Variants in FBXL17 observed in about 807,000 individuals in gnomAD.
The protein encoded by FBXL17 is F-box and leucine rich repeat protein 17.
A neutral mutation model predicts 66.2 loss-of-function variants in FBXL17; 22 were observed. The observed-to-expected ratio is 0.33, with a 90% CI of 0.24 to 0.47. The LOEUF (loss-of-function observed/expected upper bound fraction) is 0.47, where lower values mean the gene tolerates loss of function less well. FBXL17 is among the 20% of genes least tolerant of loss of function. FBXL17 has a pLI of 1.00. For missense variants in FBXL17, 878 were observed against 948.2 expected (o/e 0.93, Z 0.97); for synonymous variants, 474 against 400.5 (o/e 1.18, Z -2.19).
intron 4 of FBXL17, among the ~76,000 whole-genome samples, chr5:108,278,849 T>C (rs1424282787): frequency 6.6e-6 from 1 of 152,188 alleles, no homozygotes; most frequent in Non-Finnish European, 1.5e-5. Flanking sequence ...CTGGGGGTCC[T>C]GAGTGCAAGC....
chr5:108,098,104 G>A (rs1580437081), intron 6 of FBXL17, among the ~76,000 whole-genome samples: 1 of 152,118 alleles, frequency 6.6e-6, no homozygotes, highest in African/African-American at 2.4e-5. Context: ...TCAGATGGAT[G>A]GAAACATAGT....
At chr5:108,160,903 T>C (rs1752186194) in intron 6 of FBXL17, among the ~76,000 whole-genome samples, 2 of 152,272 alleles carry the variant, frequency 1.3e-5, no homozygotes, top group South Asian at 2.1e-4. Context: ...AGAGGATTTA[T>C]GGCTGAGGCT....
At chr5:108,082,941 A>G (rs531188726) in intron 6 of FBXL17, among the ~76,000 whole-genome samples, 1 of 152,274 alleles carries the variant, frequency 6.6e-6, no homozygotes, top group South Asian at 2.1e-4. Context: ...ATTTAAAGAA[A>G]TGTACTTTTC....
chr5:108,019,664 C>T (rs1754512702), intron 7 of FBXL17, among the ~76,000 whole-genome samples: 1 of 151,380 alleles, frequency 6.6e-6, no homozygotes, highest in South Asian at 2.1e-4. Flanking sequence ...CACACACACA[C>T]ACTCTCTCTC....
chr5:108,075,080 G>A (rs943703550), intron 6 of FBXL17, among the ~76,000 whole-genome samples: 1 of 152,158 alleles, frequency 6.6e-6, no homozygotes, highest in South Asian at 2.1e-4. Flanking sequence ...AGATCTAGAC[G>A]GTCTGCCTTC....
intron 7 of FBXL17, among the ~76,000 whole-genome samples, chr5:107,955,498 C>T (rs931587574): frequency 3.3e-5 from 5 of 152,132 alleles, no homozygotes; most frequent in Admixed American, 6.6e-5. Context: ...TATTGCAGTG[C>T]GCTGTGACAA....
intron 7 of FBXL17, among the ~76,000 whole-genome samples, chr5:107,917,118 A>T (rs1750156347): frequency 6.6e-6 from 1 of 152,186 alleles, no homozygotes; most frequent in African/African-American, 2.4e-5. Flanking sequence ...ATATTAATAG[A>T]TTACTACCAC....
At chr5:108,132,802 C>G (rs1335273415) in intron 6 of FBXL17, among the ~76,000 whole-genome samples, 1 of 152,160 alleles carries the variant, frequency 6.6e-6, no homozygotes. Flanking sequence ...GTGAAAACAT[C>G]ACTATGACCA....
At chr5:108,138,254 T>C (rs888005229) in intron 6 of FBXL17, among the ~76,000 whole-genome samples, 5 of 152,198 alleles carry the variant, frequency 3.3e-5, no homozygotes, top group East Asian at 1.9e-4. Context: ...CTAATATTTA[T>C]AGAAACTCTT....
chr5:107,879,481 A>G, intron 8 of FBXL17: 2 of 985,464 alleles, frequency 2.0e-6, no homozygotes, highest in Non-Finnish European at 2.4e-6. Flanking sequence ...TTGCTTAGTT[A>G]CAAAGTAAGT....
intron 5 of FBXL17, among the ~76,000 whole-genome samples, chr5:108,208,087 CAT>C (rs995512109): frequency 6.6e-6 from 1 of 152,094 alleles, no homozygotes; most frequent in Non-Finnish European, 1.5e-5. Flanking sequence ...GCATTTTTTT[CAT>C]ATGTCTGTTG....
At position 108,083,250 on chromosome 5, in the gene FBXL17, CAGAGAG is replaced by C. The variant is rs75900350; in HGVS notation, c.1746-62255_1746-62250del. ...ACACACACACACACACACACACACA[CAGAGAG>C]AGAGATAGACAGATATATTAAGACA... On this transcript the variant is annotated intron_variant, in intron 6 of 8. Coordinates refer to ENST00000542267, the MANE Select transcript of FBXL17 (RefSeq NM_001163315.3). Among the ~76,000 whole-genome samples the C allele has an allele frequency of 8.9e-5, 13 of 145,672 alleles. 1 individual carries two copies. The highest frequency in any genetic ancestry group is 1.2e-4 in the Non-Finnish European group (8 of 66,786).
intron 7 of FBXL17, among the ~76,000 whole-genome samples, chr5:107,923,549 G>C (rs1750394285): frequency 1.3e-5 from 2 of 152,120 alleles, no homozygotes; most frequent in South Asian, 4.1e-4. Context: ...CTCAAGCCCT[G>C]CACTTAGTGC....
At chr5:108,055,309 A>AAAAAAAAAAAAAC (rs1561388295) in intron 6 of FBXL17, among the ~76,000 whole-genome samples, 1 of 22,520 alleles carries the variant, frequency 4.4e-5, no homozygotes, top group African/African-American at 1.9e-4. Context: ...AAAAAAAAAA[A>AAAAAAAAAAAAAC]AAAAGAAAAA....
At chr5:107,977,627 C>A (rs370893829) in intron 7 of FBXL17, among the ~76,000 whole-genome samples, 1 of 152,130 alleles carries the variant, frequency 6.6e-6, no homozygotes, top group Non-Finnish European at 1.5e-5. Context: ...GCCTGAGAGT[C>A]TTCACCTGAA....
chr5:107,875,719 G>T (rs977571355), intron 8 of FBXL17, among the ~76,000 whole-genome samples: 13 of 152,306 alleles, frequency 8.5e-5, no homozygotes, highest in African/African-American at 3.1e-4. Flanking sequence ...TTTACTAAAA[G>T]AAATCACTAT....
Position 108,380,734 on chromosome 5 carries a change from C to G in FBXL17, c.958G>C (p.Asp320His). ...CHREPPPETP[D>H]INQLPPSILL... ...ATGGACGGCGGCAGCTGGTTGATGT[C>G]TGGGGTTTCGGGGGGCGGCTCCCTG... The change falls in exon 1 of 9, where the codon GAC (aspartate) becomes CAC (histidine). Residue 320 changes from aspartate to histidine, a missense_variant. Around this residue, in one of 4 missense-constraint regions of FBXL17, gnomAD observed 605 missense variants for 509.5 expected, o/e 1.19. Transcript: ENST00000542267. 1 of 1,250,074 alleles carries G rather than the reference C, an allele frequency of 8.0e-7. No individual in the cohort carries two copies. Among genetic ancestry groups the G allele is most frequent in the Non-Finnish European group, 1.0e-6 (1 of 989,652 alleles). The allele number at this position is 1,250,074 out of a possible 1,614,324, so 77.4% of individuals were successfully genotyped here.
At chr5:108,112,794 C>T (rs569127389) in intron 6 of FBXL17, among the ~76,000 whole-genome samples, 1 of 123,908 alleles carries the variant, frequency 8.1e-6, no homozygotes, top group Admixed American at 7.6e-5. Context: ...AAATGGTATG[C>T]TAATATGCTT....
intron 6 of FBXL17, among the ~76,000 whole-genome samples, chr5:108,112,921 TCAC>T (rs1750094809): frequency 6.8e-6 from 1 of 148,038 alleles, no homozygotes; most frequent in Non-Finnish European, 1.5e-5. Context: ...AGACATTATG[TCAC>T]ATCTCACTGG....
Sources: gnomAD v4.1 joint callset for allele counts (sites outside exome capture counted in the v4.1 genomes callset) on GRCh38, gnomAD v4.1.1 for gene constraint, gnomAD v4.1.1 regional missense constraint, MANE v1.5 for transcripts, NCBI Gene and HGNC (gene_info 2026-07-23, HGNC 2026-07-21) for gene names.